MTRR: variants seen among roughly 807,000 people sequenced by gnomAD.
The protein encoded by MTRR is 5-methyltetrahydrofolate-homocysteine methyltransferase reductase, also known as methionine synthase reductase.
MTRR carries 63 observed loss-of-function variants against 79.2 expected under a neutral mutation model. The ratio of observed to expected loss-of-function variants is 0.80; its 90% CI spans 0.65 to 0.98. MTRR has a LOEUF of 0.98. Ranked by LOEUF, MTRR falls within the 50% of genes least tolerant of loss-of-function variation. The pLI is 0.00. For synonymous variants in MTRR, 355 were observed against 313.3 expected (o/e 1.13, Z -1.41); for missense variants, 895 against 839.6 (o/e 1.07, Z -0.82).
At chr5:7,862,937 C>A in intron 2 of MTRR, 1 of 1,613,952 alleles carries the variant, frequency 6.2e-7, no homozygotes. Flanking sequence ...ACAGGGGTCT[C>A]CAGGGAACAG....
At chr5:7,884,913 C>T (rs974327964) in intron 6 of MTRR, among the ~76,000 whole-genome samples, 6 of 152,184 alleles carry the variant, frequency 3.9e-5, no homozygotes, top group African/African-American at 7.2e-5. Flanking sequence ...GATGGTTTTG[C>T]ATCCATAAAT....
chr5:7,889,745 C>T (rs1455322515), intron 9 of MTRR, among the ~76,000 whole-genome samples: 1 of 152,162 alleles, frequency 6.6e-6, no homozygotes, highest in Non-Finnish European at 1.5e-5. Flanking sequence ...GTGCAGAATG[C>T]AGAAATGCCC....
upstream of MTRR, among the ~76,000 whole-genome samples, chr5:7,864,226 T>C (rs1746767956): frequency 6.6e-6 from 1 of 152,190 alleles, no homozygotes; most frequent in Non-Finnish European, 1.5e-5. Context: ...ATTGGTTTGA[T>C]TTAGCCATTC....
intron 6 of MTRR, among the ~76,000 whole-genome samples, chr5:7,884,459 G>C (rs757203454): frequency 3.3e-5 from 5 of 152,148 alleles, no homozygotes; most frequent in Non-Finnish European, 5.9e-5. Context: ...CTAACACCAC[G>C]TAAGTAGTTG....
At chr5:7,879,462 C>CAAAAAAAAAAAAAAAAAAAAAAAAAAAA (rs35558077) in intron 5 of MTRR, among the ~76,000 whole-genome samples, 1 of 88,576 alleles carries the variant, frequency 1.1e-5, no homozygotes, top group Non-Finnish European at 2.2e-5. Flanking sequence ...GACTCCGTCT[C>CAAAAAAAAAAAAAAAAAAAAAAAAAAAA]AAAAAAAAAA....
intron 11 of MTRR, 126 bp from the exon 12 acceptor site, chr5:7,895,608 C>G: frequency 1.6e-6 from 2 of 1,240,790 alleles, no homozygotes; most frequent in Non-Finnish European, 2.3e-6. Context: ...AATCTGATGC[C>G]ACTATTTAGT....
rs369457823 is a variant in MTRR, at chr5:7,873,422, C to T, written c.179C>T (p.Thr60Met). 1.3e-5 allele frequency: 21 copies of T among 1,614,032 alleles called. No individual in the cohort carries two copies. The highest frequency in any genetic ancestry group is 8.0e-5 in the African/African-American group (6 of 74,910). ...CCTCTTGTTGTTGTGGTTTCTACCACGGGCACCGGAGACCCACCCGACACA... is the reference window on the plus strand; with the variant it reads ...CCTCTTGTTGTTGTGGTTTCTACCATGGGCACCGGAGACCCACCCGACACA... ...TAPLVVVVST[T>M]GTGDPPDTAR... The change falls in exon 3 of 15, where the codon ACG becomes ATG. Residue 60 changes from threonine (T) to methionine (M), a missense_variant. Transcript: ENST00000440940.
chr5:7,865,894 T>C (rs372035009), upstream of MTRR: 246 of 1,611,562 alleles, frequency 1.5e-4, no homozygotes, highest in Non-Finnish European at 2.0e-4. Flanking sequence ...GTTCATGCTT[T>C]TACCTTATAG....
chr5:7,866,581 A>G, upstream of MTRR: 1 of 1,226,772 alleles, frequency 8.2e-7, no homozygotes, highest in Non-Finnish European at 1.1e-6. Context: ...TTTATATGTG[A>G]CTTGAAACCA....
intron 4 of MTRR, among the ~76,000 whole-genome samples, chr5:7,876,894 A>G (rs540883058): frequency 6.6e-6 from 1 of 152,218 alleles, no homozygotes; most frequent in Non-Finnish European, 1.5e-5. Flanking sequence ...TGTGCACACT[A>G]TCACCTTAAT....
At chr5:7,894,671 AC>A (rs1365002069) in intron 11 of MTRR, among the ~76,000 whole-genome samples, 3 of 152,198 alleles carry the variant, frequency 2.0e-5, no homozygotes, top group African/African-American at 7.2e-5. Context: ...TTAGCAGCTC[AC>A]TGCCACACCC....
At chr5:7,869,328 C>T in intron 1 of MTRR, 113 bp downstream of exon 1, 4 of 1,328,704 alleles carry the variant, frequency 3.0e-6, no homozygotes, top group South Asian at 1.2e-5. Context: ...CCGTGGTTCC[C>T]ACGCCCTTCG....
At chr5:7,881,873 G>A (rs1735654875) in intron 5 of MTRR, among the ~76,000 whole-genome samples, 2 of 152,040 alleles carry the variant, frequency 1.3e-5, no homozygotes, top group Admixed American at 1.3e-4. Flanking sequence ...TGATGCATTT[G>A]CTTCCACTGG....
At chr5:7,873,352 C>T (rs776496709) in intron 2 of MTRR, 21 bp from the exon 3 acceptor site, 4 of 1,614,088 alleles carry the variant, frequency 2.5e-6, no homozygotes, top group South Asian at 2.2e-5. Context: ...AGGTCCCTGA[C>T]TTGATATCCT....
upstream of MTRR, among the ~76,000 whole-genome samples, chr5:7,864,316 A>G (rs547672423): frequency 2.6e-5 from 4 of 152,322 alleles, no homozygotes; most frequent in South Asian, 8.3e-4. Flanking sequence ...ATAAATAAAA[A>G]TTCAATTTTA....
At chr5:7,891,483 A>G in intron 10 of MTRR, 69 bp downstream of exon 10, 1 of 1,303,884 alleles carries the variant, frequency 7.7e-7, no homozygotes. Flanking sequence ...CTTCCAGATC[A>G]TTAGAGTTTA....
Position 7,870,928 on chromosome 5 carries a change from G to A in MTRR, c.129+5G>A, listed in dbSNP as rs763989696. The A allele has an allele frequency of 1.9e-6, 3 of 1,614,184 alleles. No homozygotes were observed. The East Asian group carries it at 6.7e-5, about 36-fold the overall frequency. ...TGTATTAGTGAATCCGATAAGGTTA[G>A]AGCCGTTACAGTGGATTTTACCGTT... On this transcript the variant is annotated splice_donor_5th_base_variant and intron_variant, in intron 2 of 14. Coordinates refer to ENST00000440940, the MANE Select transcript of MTRR (RefSeq NM_002454.3).
chr5:7,900,410 T>G lies in MTRR; in HGVS notation c.*352T>G. On this transcript the variant is annotated 3_prime_UTR_variant, in exon 15 of 15. Transcript: ENST00000440940. ...CAAAGGCTTCCTGAAATAGGGAGACTGACTGAGTAGCTCATTCTTGTGACT... is the reference window on the plus strand; with the variant it reads ...CAAAGGCTTCCTGAAATAGGGAGACGGACTGAGTAGCTCATTCTTGTGACT... 3.8e-6 allele frequency: 1 copy of G among 262,596 alleles called. No individual in the cohort carries two copies. Among genetic ancestry groups the G allele is most frequent in the Non-Finnish European group, 7.3e-6 (1 of 136,286 alleles). 16.3% of individuals were successfully genotyped at this position (262,596 alleles called of 1,614,324 possible). A position where few individuals can be genotyped will look rare whatever the true frequency, so the allele number is the denominator to read the frequency against.
rs972407877 is a variant in MTRR at position 7,900,927 on chromosome 5, C to T, written c.*869C>T. The T allele has an allele frequency of 6.6e-6, 1 of 152,042 alleles. No homozygotes were observed. Among genetic ancestry groups the T allele is most frequent in the Admixed American group, 6.6e-5 (1 of 15,252 alleles). 9.4% of individuals were successfully genotyped at this position (152,042 alleles called of 1,614,324 possible). A position where few individuals can be genotyped will look rare whatever the true frequency, so the allele number is the denominator to read the frequency against. ...TAAAATACTGACTTTAGTTAGTATC[C>T]TTGGATTTTTAGATTCCCAGTGTCT... On this transcript the variant is annotated 3_prime_UTR_variant, in exon 15 of 15. Coordinates refer to ENST00000440940, the MANE Select transcript of MTRR (RefSeq NM_002454.3).
Sources: allele counts gnomAD v4.1 joint callset (sites outside exome capture counted in the v4.1 genomes callset), GRCh38; gene constraint gnomAD v4.1.1; transcripts MANE v1.5; gene names NCBI Gene and HGNC (gene_info 2026-07-23, HGNC 2026-07-21).